CAST: variants seen among roughly 807,000 people sequenced by gnomAD.
CAST encodes the protein MIR583 host.
Under a neutral mutation model 119.6 loss-of-function variants are expected in CAST, and 76 were observed. The ratio of observed to expected loss-of-function variants is 0.64; its 90% CI spans 0.53 to 0.77. The LOEUF is 0.77. CAST is among the 30% of genes least tolerant of loss of function. The pLI, the probability that CAST is intolerant of heterozygous loss-of-function variation, is 0.00. For synonymous variants in CAST, 319 were observed against 331.6 expected (o/e 0.96, Z 0.41); for missense variants, 953 against 946.5 (o/e 1.01, Z -0.09).
chr5:96,130,021 C>CTTTTTTT, the CAST span, among the ~76,000 whole-genome samples: 60 of 129,484 alleles, frequency 4.6e-4, 2 homozygotes, highest in African/African-American at 1.7e-3. Context: ...AACACACACA[C>CTTTTTTT]TTTTTTTTTT....
intron 1 of CAST, among the ~76,000 whole-genome samples, chr5:96,569,866 T>C (rs1746541299): frequency 1.3e-5 from 2 of 152,344 alleles, no homozygotes; most frequent in South Asian, 2.1e-4. Flanking sequence ...ACATTTCTCC[T>C]GTGAGTCAGT....
At chr5:96,502,003 A>T in the CAST span, among the ~76,000 whole-genome samples, 2 of 152,274 alleles carry the variant, frequency 1.3e-5, no homozygotes, top group Non-Finnish European at 2.9e-5. Context: ...CACATTTCCC[A>T]GAGCATGTCT....
intron 1 of CAST, among the ~76,000 whole-genome samples, chr5:96,560,990 G>A (rs1227366464): frequency 6.6e-6 from 1 of 152,138 alleles, no homozygotes. Flanking sequence ...AAGAAAATGT[G>A]GCACATATAC....
intron 1 of CAST, among the ~76,000 whole-genome samples, chr5:96,625,446 GA>G (rs1377766449): frequency 6.6e-6 from 1 of 152,164 alleles, no homozygotes; most frequent in Non-Finnish European, 1.5e-5. Context: ...AAATTGTATA[GA>G]AAGCTAGGAG....
chr5:96,322,320 A>G, the CAST span, among the ~76,000 whole-genome samples: 1 of 152,136 alleles, frequency 6.6e-6, no homozygotes, highest in Non-Finnish European at 1.5e-5. Context: ...CCCAGAGAAG[A>G]GAGCCTTGCC....
the CAST span, among the ~76,000 whole-genome samples, chr5:96,283,116 C>T: frequency 8.0e-6 from 1 of 125,296 alleles, no homozygotes; most frequent in Non-Finnish European, 1.6e-5. Flanking sequence ...GGCCACAGAG[C>T]GAGACTCCGT....
the CAST span, among the ~76,000 whole-genome samples, chr5:96,378,266 C>T: frequency 6.6e-6 from 1 of 152,034 alleles, no homozygotes; most frequent in Non-Finnish European, 1.5e-5. Context: ...GTGGTGACTA[C>T]AGTTAACAAA....
At chr5:96,695,660 T>A (rs542818984) in intron 2 of CAST, 176 bp from the exon 3 acceptor site, 1 of 475,036 alleles carries the variant, frequency 2.1e-6, no homozygotes, top group East Asian at 3.8e-5. Context: ...TTTCAATATT[T>A]GTATCATCTT....
rs187422592 is a variant in CAST, at chr5:96,745,335, A to G, written c.1201-1007A>G. On this transcript the variant is annotated intron_variant, in intron 16 of 31. Transcript: ENST00000675179. Reference sequence around the variant, plus strand: ...AAAAGTGCTCAATAAGTAGTAATTAATCAACTAACCAATCAGTGGGTTTAG... The same window carrying G: ...AAAAGTGCTCAATAAGTAGTAATTAGTCAACTAACCAATCAGTGGGTTTAG... Among the ~76,000 whole-genome samples the G allele has an allele frequency of 4.5e-4, 69 of 152,394 alleles. 1 individual carries two copies. Among genetic ancestry groups the G allele is most frequent in the African/African-American group, 1.6e-3 (68 of 41,592 alleles).
the CAST span, among the ~76,000 whole-genome samples, chr5:95,995,206 C>A: frequency 1.3e-5 from 2 of 151,768 alleles, no homozygotes; most frequent in Admixed American, 1.3e-4. Context: ...TAACTGCTGA[C>A]ATTTTTATAA....
chr5:96,485,401 C>T, the CAST span, among the ~76,000 whole-genome samples: 1 of 152,058 alleles, frequency 6.6e-6, no homozygotes, highest in African/African-American at 2.4e-5. Flanking sequence ...CTCCCTGATG[C>T]CTAAGATTCT....
At chr5:96,151,186 A>AT in the CAST span, among the ~76,000 whole-genome samples, 1 of 152,116 alleles carries the variant, frequency 6.6e-6, no homozygotes, top group East Asian at 1.9e-4. Context: ...ACTGGTGGAG[A>AT]TTTTTCATCT....
At chr5:96,067,161 A>C in the CAST span, among the ~76,000 whole-genome samples, 1 of 152,210 alleles carries the variant, frequency 6.6e-6, no homozygotes, top group Non-Finnish European at 1.5e-5. Context: ...TCCTTTGTTT[A>C]AAGTTAATGC....
At chr5:96,760,343 A>G (rs191300803) in intron 24 of CAST, among the ~76,000 whole-genome samples, 76 of 152,120 alleles carry the variant, frequency 5.0e-4, no homozygotes, top group African/African-American at 1.7e-3. Context: ...ATGTCCATGT[A>G]AAAGATCTAT....
the CAST span, among the ~76,000 whole-genome samples, chr5:96,071,022 G>A: frequency 2.0e-5 from 3 of 152,078 alleles, no homozygotes; most frequent in Non-Finnish European, 2.9e-5. Flanking sequence ...TGAGTAGAGT[G>A]AGGACTAAAG....
chr5:95,962,640 T>A, the CAST span, among the ~76,000 whole-genome samples: 1 of 152,198 alleles, frequency 6.6e-6, no homozygotes, highest in Non-Finnish European at 1.5e-5. Context: ...GGGCATGGTA[T>A]AATAGAGAAT....
the CAST span, among the ~76,000 whole-genome samples, chr5:96,311,288 T>A: frequency 6.6e-6 from 1 of 152,086 alleles, no homozygotes; most frequent in Non-Finnish European, 1.5e-5. Context: ...AGAAAGATAC[T>A]TGATATGGTT....
At chr5:96,610,079 G>T (rs1321133369) in intron 1 of CAST, among the ~76,000 whole-genome samples, 2 of 152,174 alleles carry the variant, frequency 1.3e-5, no homozygotes, top group Non-Finnish European at 2.9e-5. Context: ...ATTGGGGGCA[G>T]GTTTTTCCCA....
chr5:96,734,222 C>T (rs1761183519), intron 9 of CAST, among the ~76,000 whole-genome samples: 1 of 152,114 alleles, frequency 6.6e-6, no homozygotes, highest in Non-Finnish European at 1.5e-5. Flanking sequence ...GCTGTAAGAC[C>T]AGAAAGACAG....
Sources: gnomAD v4.1 joint callset for allele counts (sites outside exome capture counted in the v4.1 genomes callset) on GRCh38, gnomAD v4.1.1 for gene constraint, MANE v1.5 for transcripts, NCBI Gene and HGNC (gene_info 2026-07-23, HGNC 2026-07-21) for gene names.